Variants in PDE11A observed in about 807,000 individuals in gnomAD.
PDE11A encodes dual 3',5'-cyclic-AMP and -GMP phosphodiesterase 11A.
In PDE11A, 100 loss-of-function variants were observed where a neutral mutation model predicts 100.5. That is an observed-to-expected ratio of 1.00 (90% CI 0.85 to 1.18). PDE11A has a LOEUF of 1.18. PDE11A is among the 50% of genes most tolerant of loss of function. The pLI, the probability that PDE11A is intolerant of heterozygous loss-of-function variation, is 0.00. For missense variants in PDE11A, 1,141 were observed against 1,152.6 expected, an observed-to-expected ratio of 0.99 and a Z score of 0.15; for synonymous variants, 381 against 420.8, an observed-to-expected ratio of 0.91 and a Z score of 1.16.
chr2:177,637,453 C>T (rs1258534248), intron 19 of PDE11A, among the ~76,000 whole-genome samples: 1 of 152,128 alleles, frequency 6.6e-6, no homozygotes, highest in East Asian at 1.9e-4. Context: ...TTCTATCTAT[C>T]GCACTGAAAA....
chr2:177,995,764 C>CT (rs1330102399), intron 2 of PDE11A, among the ~76,000 whole-genome samples: 1 of 151,646 alleles, frequency 6.6e-6, no homozygotes, highest in African/African-American at 2.4e-5. Flanking sequence ...ACTGAGAGAG[C>CT]TTCCCTTCCT....
At chr2:177,880,809 T>C (rs1001762235) in intron 4 of PDE11A, among the ~76,000 whole-genome samples, 2 of 152,198 alleles carry the variant, frequency 1.3e-5, no homozygotes, top group East Asian at 3.8e-4. Context: ...TACTGATCTT[T>C]GGTTAAATAT....
chr2:177,695,795 G>A (rs1307166398), intron 15 of PDE11A, among the ~76,000 whole-genome samples: 1 of 152,128 alleles, frequency 6.6e-6, no homozygotes, highest in African/African-American at 2.4e-5. Flanking sequence ...TGAGCTTTTC[G>A]TGTCTTAAGC....
intron 1 of PDE11A, among the ~76,000 whole-genome samples, chr2:178,063,094 T>A (rs1285350306): frequency 6.6e-6 from 1 of 152,186 alleles, no homozygotes; most frequent in Non-Finnish European, 1.5e-5. Flanking sequence ...ACTTGGAGAT[T>A]TCATATGGGG....
At chr2:177,936,794 G>A (rs190294113) in intron 2 of PDE11A, among the ~76,000 whole-genome samples, 38 of 152,012 alleles carry the variant, frequency 2.5e-4, no homozygotes, top group African/African-American at 8.7e-4. Flanking sequence ...GGTTGCCAGC[G>A]CCTGTAACTC....
intron 5 of PDE11A, among the ~76,000 whole-genome samples, chr2:177,857,203 C>T (rs2083851503): frequency 1.3e-5 from 2 of 151,862 alleles, no homozygotes; most frequent in South Asian, 4.1e-4. Flanking sequence ...TCCACTGAAA[C>T]TATACTTCAA....
intron 2 of PDE11A, among the ~76,000 whole-genome samples, chr2:177,935,911 A>G (rs1047059803): frequency 7.2e-5 from 11 of 152,198 alleles, no homozygotes; most frequent in Non-Finnish European, 1.6e-4. Context: ...CAACACAGCA[A>G]CCTGATCAGT....
At chr2:177,680,250 T>G (rs1462227306) in intron 16 of PDE11A, among the ~76,000 whole-genome samples, 1 of 151,594 alleles carries the variant, frequency 6.6e-6, no homozygotes, top group Admixed American at 6.6e-5. Flanking sequence ...AAGGATGGGG[T>G]ATGAGAGAAA....
chr2:178,092,195 CCAT>C (rs1330514567), intron 2 of PDE11A, among the ~76,000 whole-genome samples: 2 of 152,244 alleles, frequency 1.3e-5, no homozygotes, highest in Non-Finnish European at 2.9e-5. Flanking sequence ...TATGTGGAAG[CCAT>C]CATCAACAGT....
chr2:177,727,858 TG>T, intron 11 of PDE11A, 93 bp from the exon 12 acceptor site: 1 of 982,496 alleles, frequency 1.0e-6, no homozygotes, highest in Non-Finnish European at 1.6e-6. Flanking sequence ...TAACCCTCAG[TG>T]ATCAAAGGCC....
intron 9 of PDE11A, among the ~76,000 whole-genome samples, chr2:177,790,786 A>G (rs919287245): frequency 1.3e-5 from 2 of 152,266 alleles, no homozygotes; most frequent in African/African-American, 2.4e-5. Flanking sequence ...GCATGAAAAA[A>G]TGCTCATCAT....
At chr2:177,885,181 TATG>T (rs1230876248) in intron 4 of PDE11A, among the ~76,000 whole-genome samples, 2 of 148,448 alleles carry the variant, frequency 1.3e-5, no homozygotes, top group South Asian at 2.2e-4. Flanking sequence ...GAACAAGTAA[TATG>T]ATACATTAAT....
intron 18 of PDE11A, among the ~76,000 whole-genome samples, chr2:177,668,797 G>A (rs1244870710): frequency 2.6e-5 from 4 of 152,090 alleles, no homozygotes; most frequent in Non-Finnish European, 5.9e-5. Flanking sequence ...GCTATGCTAG[G>A]CTTTAAAATG....
chr2:177,898,022 A>G, intron 4 of PDE11A, 36 bp downstream of exon 4: 1 of 1,524,522 alleles, frequency 6.6e-7, no homozygotes, highest in African/African-American at 1.4e-5. Flanking sequence ...TTCCATTCAC[A>G]CAGTCTTCAA....
chr2:177,648,881 G>A (rs1394455734), intron 19 of PDE11A, among the ~76,000 whole-genome samples: 1 of 151,870 alleles, frequency 6.6e-6, no homozygotes, highest in Non-Finnish European at 1.5e-5. Context: ...AATAATAAGG[G>A]TTTATTTCTT....
At chr2:177,964,456 G>A (rs1254991755) in intron 2 of PDE11A, among the ~76,000 whole-genome samples, 1 of 152,062 alleles carries the variant, frequency 6.6e-6, no homozygotes, top group African/African-American at 2.4e-5. Flanking sequence ...GCATGTTGCA[G>A]GGGTTTGTTG....
intron 2 of PDE11A, among the ~76,000 whole-genome samples, chr2:178,080,751 T>TA (rs1342785137): frequency 6.6e-6 from 1 of 152,120 alleles, no homozygotes; most frequent in Non-Finnish European, 1.5e-5. Flanking sequence ...TCTCATCTGT[T>TA]ATTTATGGCT....
chr2:177,665,856 CAAAAAA>C (rs3056853), intron 18 of PDE11A, among the ~76,000 whole-genome samples: 1 of 137,302 alleles, frequency 7.3e-6, no homozygotes, highest in Non-Finnish European at 1.6e-5. Flanking sequence ...GACTCCATCT[CAAAAAA>C]AAAAAAAAAA....
intron 2 of PDE11A, among the ~76,000 whole-genome samples, chr2:177,960,509 A>T (rs1224282133): frequency 6.6e-6 from 1 of 152,158 alleles, no homozygotes; most frequent in African/African-American, 2.4e-5. Flanking sequence ...GTATGTAAAC[A>T]TACTTCAGAA....
Sources: allele counts gnomAD v4.1 joint callset (sites outside exome capture counted in the v4.1 genomes callset), GRCh38; gene constraint gnomAD v4.1.1; transcripts MANE v1.5; gene names NCBI Gene and HGNC (gene_info 2026-07-23, HGNC 2026-07-21).